The following NFAM1 variants were observed in gnomAD, a reference collection of about 807,000 sequenced individuals.
The protein encoded by NFAM1 is NFAT activating protein with ITAM motif 1.
Under a neutral mutation model 29.0 loss-of-function variants are expected in NFAM1, and 17 were observed. The observed-to-expected ratio is 0.59, with a 90% confidence interval of 0.40 to 0.88. The LOEUF is 0.88. NFAM1 is among the 40% of genes least tolerant of loss of function. NFAM1 has a pLI of 0.00. For synonymous variants in NFAM1, 175 were observed against 147.2 expected, an observed-to-expected ratio of 1.19 and a Z score of -1.36; for missense variants, 324 against 344.6, an observed-to-expected ratio of 0.94 and a Z score of 0.47.
At chr22:42,402,583 T>C (rs1294146823) in intron 3 of NFAM1, among the ~76,000 whole-genome samples, 1 of 152,094 alleles carries the variant, frequency 6.6e-6, no homozygotes, top group Non-Finnish European at 1.5e-5. Flanking sequence ...GTTGTCCTGG[T>C]ACCAAGAGGC....
intron 1 of NFAM1, among the ~76,000 whole-genome samples, chr22:42,415,760 C>T (rs948725144): frequency 8.5e-5 from 13 of 152,174 alleles, no homozygotes; most frequent in African/African-American, 1.7e-4. Flanking sequence ...AGCGGTCCCC[C>T]GTGAAGGCAC....
intron 1 of NFAM1, among the ~76,000 whole-genome samples, chr22:42,426,056 G>C (rs1930612210): frequency 6.6e-6 from 1 of 152,226 alleles, no homozygotes; most frequent in African/African-American, 2.4e-5. Flanking sequence ...CCAGGGAGCA[G>C]TGTAGAAAGA....
intron 1 of NFAM1, among the ~76,000 whole-genome samples, chr22:42,415,598 C>G (rs1268000991): frequency 2.6e-5 from 4 of 152,176 alleles, no homozygotes; most frequent in African/African-American, 9.7e-5. Flanking sequence ...CGCGCCCGGC[C>G]TGCACCTTCC....
At chr22:42,392,816 T>A (rs1929388472) in intron 4 of NFAM1, among the ~76,000 whole-genome samples, 3 of 152,152 alleles carry the variant, frequency 2.0e-5, no homozygotes, top group Non-Finnish European at 4.4e-5. Flanking sequence ...TTTATTTATT[T>A]TGTGACAGAG....
At chr22:42,386,175 C>T (rs1213822713) in intron 5 of NFAM1, among the ~76,000 whole-genome samples, 3 of 151,960 alleles carry the variant, frequency 2.0e-5, no homozygotes, top group Non-Finnish European at 4.4e-5. Flanking sequence ...GAGTTCGAGA[C>T]CAGCCTGGCC....
In NFAM1 at chr22:42,385,098, T is replaced by C. The variant is rs754964457; in HGVS notation, c.*63A>G. The C allele has an allele frequency of 2.0e-4, 246 of 1,258,580 alleles. No individual in the cohort carries two copies. The highest frequency in any genetic ancestry group is 2.7e-4 in the Non-Finnish European group (228 of 856,932). 78.0% of individuals were successfully genotyped at this position (1,258,580 alleles called of 1,614,324 possible). ...TACTCCCAACTCAGATCAAGTCCTTTGGTGGCAGGGGCTGCCCCGGTCCTC... is the reference window on the plus strand; with the variant it reads ...TACTCCCAACTCAGATCAAGTCCTTCGGTGGCAGGGGCTGCCCCGGTCCTC... On this transcript the variant is annotated 3_prime_UTR_variant, in exon 6 of 6. Transcript: ENST00000329021.
chr22:42,411,386 G>A (rs762366514), intron 2 of NFAM1, 21 bp downstream of exon 2: 13 of 1,580,414 alleles, frequency 8.2e-6, no homozygotes, highest in Non-Finnish European at 1.0e-5. Flanking sequence ...TGCCCTGGAA[G>A]AGCCACAGAG....
intron 1 of NFAM1, among the ~76,000 whole-genome samples, chr22:42,420,295 GA>G (rs1311861505): frequency 1.3e-5 from 2 of 151,926 alleles, no homozygotes; most frequent in Non-Finnish European, 2.9e-5. Flanking sequence ...AATATAGTGA[GA>G]CCCCATCTCT....
At chr22:42,387,775 T>C (rs1929201445) in intron 4 of NFAM1, among the ~76,000 whole-genome samples, 1 of 152,008 alleles carries the variant, frequency 6.6e-6, no homozygotes, top group South Asian at 2.1e-4. Context: ...TCATCACCCA[T>C]ATGCGCCTCC....
chr22:42,390,498 T>A (rs1412046308), intron 4 of NFAM1, among the ~76,000 whole-genome samples: 1 of 151,824 alleles, frequency 6.6e-6, no homozygotes, highest in Non-Finnish European at 1.5e-5. Context: ...CACTGAAAGG[T>A]CCCATGAGGG....
chr22:42,418,606 T>A (rs1415562201), intron 1 of NFAM1, among the ~76,000 whole-genome samples: 1 of 151,984 alleles, frequency 6.6e-6, no homozygotes, highest in East Asian at 1.9e-4. Context: ...GGCAAGAGAA[T>A]CGCTTGAACC....
At chr22:42,417,280 A>G (rs920887548) in intron 1 of NFAM1, among the ~76,000 whole-genome samples, 6 of 152,142 alleles carry the variant, frequency 3.9e-5, no homozygotes, top group Non-Finnish European at 7.4e-5. Context: ...ACTTTCGGTG[A>G]CCATAGAACT....
At chr22:42,426,903 A>G (rs746776664) in intron 1 of NFAM1, among the ~76,000 whole-genome samples, 5 of 152,102 alleles carry the variant, frequency 3.3e-5, no homozygotes, top group Non-Finnish European at 7.4e-5. Context: ...GAGGGGTCCC[A>G]GGTGCCACGC....
intron 1 of NFAM1, among the ~76,000 whole-genome samples, chr22:42,426,853 G>C (rs898978301): frequency 3.3e-5 from 5 of 151,934 alleles, no homozygotes; most frequent in African/African-American, 9.7e-5. Flanking sequence ...CTGTGCCCTC[G>C]AGCCCTGTCC....
At chr22:42,433,234 AG>A (rs1215814485), upstream of NFAM1, among the ~76,000 whole-genome samples, 3 of 151,986 alleles carry the variant, frequency 2.0e-5, no homozygotes, top group African/African-American at 7.3e-5. Flanking sequence ...GGCAGAGGAA[AG>A]GGGCTGGGGT....
intron 5 of NFAM1, among the ~76,000 whole-genome samples, chr22:42,386,396 AACACACAC>A (rs59742194): frequency 8.0e-6 from 1 of 125,186 alleles, no homozygotes; most frequent in African/African-American, 2.9e-5. Flanking sequence ...AAAACAAACA[AACACACAC>A]ACACACACAC....
At chr22:42,406,497 C>A (rs1459784620) in intron 3 of NFAM1, among the ~76,000 whole-genome samples, 1 of 152,232 alleles carries the variant, frequency 6.6e-6, no homozygotes, top group African/African-American at 2.4e-5. Context: ...GCTACACCAG[C>A]CACATGGGCC....
chr22:42,391,265 TCAGAGGGCTCTGAG>T lies in NFAM1; in HGVS notation c.664-4201_664-4188del, dbSNP rs1929331139. On this transcript the variant is annotated intron_variant, in intron 4 of 5. Transcript: ENST00000329021. ...CTAACCCCATCTTGGTGTCTCTGTCTCAGAGGGCTCTGAGCAGAGGGCCATGATCTGTCGATGGC... is the reference window on the plus strand; with the variant it reads ...CTAACCCCATCTTGGTGTCTCTGTCTCAGAGGGCCATGATCTGTCGATGGC... Among the ~76,000 whole-genome samples the T allele has an allele frequency of 4.7e-5, 7 of 149,650 alleles. No homozygotes were observed. In the South Asian group the frequency reaches 1.5e-3, roughly 31 times the overall value.
At chr22:42,416,860 G>C (rs886737439) in intron 1 of NFAM1, among the ~76,000 whole-genome samples, 1 of 152,226 alleles carries the variant, frequency 6.6e-6, no homozygotes, top group Admixed American at 6.5e-5. Context: ...AGCTGGCTGA[G>C]TGTCCTTCTA....
Sources: gnomAD v4.1 joint callset for allele counts (sites outside exome capture counted in the v4.1 genomes callset) on GRCh38, gnomAD v4.1.1 for gene constraint, MANE v1.5 for transcripts, NCBI Gene and HGNC (gene_info 2026-07-23, HGNC 2026-07-21) for gene names.